PCYT1B: variants seen among roughly 807,000 people sequenced by gnomAD.
PCYT1B encodes choline-phosphate cytidylyltransferase B.
A neutral mutation model predicts 26.4 loss-of-function variants in PCYT1B; 10 were observed. The observed-to-expected ratio is 0.38, with a 90% confidence interval of 0.23 to 0.64. PCYT1B has a LOEUF of 0.64. Among genes scored for constraint, PCYT1B ranks in the 30% least tolerant of loss-of-function variants. PCYT1B has a pLI of 0.56. For synonymous variants in PCYT1B, 131 were observed against 108.4 expected (o/e 1.21, Z -1.29); for missense variants, 161 against 292.7 (o/e 0.55, Z 3.28).
chrX:24,653,357 C>T (rs746049922), intron 1 of PCYT1B, among the ~76,000 whole-genome samples: 1 of 111,266 alleles, frequency 9.0e-6, no homozygotes, highest in African/African-American at 3.3e-5. Context: ...AGGGCTTTAT[C>T]TGGCCATTGG....
At chrX:24,606,555 C>T (rs989259789) in intron 3 of PCYT1B, among the ~76,000 whole-genome samples, 4 of 108,667 alleles carry the variant, frequency 3.7e-5, no homozygotes, top group Non-Finnish European at 7.5e-5. Flanking sequence ...AGAAGAGTTC[C>T]TCTTAAATGT....
intron 3 of PCYT1B, among the ~76,000 whole-genome samples, chrX:24,601,493 G>GA (rs770641178): frequency 4.1e-3 from 226 of 55,028 alleles, no homozygotes; most frequent in Middle Eastern, 0.01. Flanking sequence ...ACTCTTTCTC[G>GA]AAAAAAAAAA....
rs1402869756 is a variant in PCYT1B at position 24,559,919 on chromosome X, G to T, written c.*2374C>A. 8.9e-6 allele frequency: 1 copy of T among 111,775 alleles called. No homozygotes were observed. The highest frequency in any genetic ancestry group is 1.9e-5 in the Non-Finnish European group (1 of 53,194). 9.2% of individuals were successfully genotyped at this position (111,775 alleles called of 1,213,427 possible). A position where few individuals can be genotyped will look rare whatever the true frequency, so the allele number is the denominator to read the frequency against. ...GGTGGAACGGGGGGACTCACTGCAG[G>T]TTAGGAGGGTGAGATTTAGAACCCA... On this transcript the variant is annotated 3_prime_UTR_variant, in exon 8 of 8. Transcript: ENST00000379144.
chrX:24,645,170 G>T (rs752251471), intron 1 of PCYT1B, among the ~76,000 whole-genome samples: 1 of 111,533 alleles, frequency 9.0e-6, no homozygotes, highest in African/African-American at 3.3e-5. Context: ...AGGTAAAAAT[G>T]GAAGGAAAAA....
At chrX:24,571,993 C>T (rs767275445) in intron 7 of PCYT1B, among the ~76,000 whole-genome samples, 12 of 110,779 alleles carry the variant, frequency 1.1e-4, no homozygotes, top group Non-Finnish European at 1.9e-4. Context: ...TTCCCTGGGG[C>T]CAGATGGGCT....
chrX:24,643,962 A>G (rs868467841), intron 1 of PCYT1B, among the ~76,000 whole-genome samples: 3 of 112,184 alleles, frequency 2.7e-5, no homozygotes, highest in South Asian at 3.7e-4. Flanking sequence ...TGACCCACAT[A>G]CAATTTGGAG....
intron 1 of PCYT1B, among the ~76,000 whole-genome samples, chrX:24,639,487 G>A (rs1178759283): frequency 9.0e-6 from 1 of 111,213 alleles, no homozygotes; most frequent in East Asian, 2.8e-4. Context: ...AGGCCACAAC[G>A]AAGCAGATCC....
At chrX:24,567,724 G>A (rs779067382) in intron 7 of PCYT1B, among the ~76,000 whole-genome samples, 1 of 111,524 alleles carries the variant, frequency 9.0e-6, no homozygotes, top group African/African-American at 3.3e-5. Context: ...GCTGAGGCGG[G>A]CGGATCATGA....
At chrX:24,593,855 A>G (rs1428153376) in intron 3 of PCYT1B, among the ~76,000 whole-genome samples, 1 of 111,449 alleles carries the variant, frequency 9.0e-6, no homozygotes, top group Non-Finnish European at 1.9e-5. Context: ...ACATACACGC[A>G]AAGGAGAGAC....
chrX:24,595,655 G>A (rs1924750115), intron 3 of PCYT1B, among the ~76,000 whole-genome samples: 1 of 110,670 alleles, frequency 9.0e-6, no homozygotes, highest in East Asian at 2.8e-4. Flanking sequence ...CGAGGTGGGT[G>A]GATCATTTGA....
At chrX:24,651,403 C>T (rs1178617155), upstream of PCYT1B, among the ~76,000 whole-genome samples, 5 of 85,301 alleles carry the variant, frequency 5.9e-5, no homozygotes, top group African/African-American at 1.8e-4. Flanking sequence ...TGCAGTGAGC[C>T]GAGATCACGC....
At chrX:24,618,028 G>A (rs1925570458) in intron 2 of PCYT1B, among the ~76,000 whole-genome samples, 1 of 111,493 alleles carries the variant, frequency 9.0e-6, no homozygotes, top group Admixed American at 9.6e-5. Context: ...CATCTGTGTT[G>A]CAGGTTTTAA....
At chrX:24,601,296 C>G (rs1924952851) in intron 3 of PCYT1B, among the ~76,000 whole-genome samples, 1 of 111,516 alleles carries the variant, frequency 9.0e-6, no homozygotes, top group Admixed American at 9.5e-5. Flanking sequence ...AGTTCAAGAA[C>G]AGCCTGGCCA....
At chrX:24,639,274 C>G (rs140665463) in intron 1 of PCYT1B, among the ~76,000 whole-genome samples, 3 of 112,403 alleles carry the variant, frequency 2.7e-5, no homozygotes, top group African/African-American at 9.7e-5. Context: ...GAATGGAATC[C>G]AGAGAGGAAA....
At chrX:24,637,511 T>A (rs1029838966) in intron 1 of PCYT1B, among the ~76,000 whole-genome samples, 9 of 82,474 alleles carry the variant, frequency 1.1e-4, no homozygotes, top group Admixed American at 1.5e-4. Context: ...TATATATATA[T>A]AAATTAGCTG....
chrX:24,670,048 AAAAGAAAGAAAGAAAGAAAG>A lies in PCYT1B; in HGVS notation c.63+2502_63+2521del, dbSNP rs756342863. 7.0e-3 allele frequency among the ~76,000 whole-genome samples: 407 copies of A among 58,073 alleles called. 8 individuals carry two copies. The East Asian group carries it at 0.071, about 10-fold the overall frequency. 50.4% of individuals were successfully genotyped at this position (58,073 alleles called of 115,157 possible). ...ACAGAGTAAGACCTTGTCTCAAAAAAAAAGAAAGAAAGAAAGAAAGAAAGAAAGAAAGAAAGAAAGAAAGA... is the reference window on the plus strand; with the variant it reads ...ACAGAGTAAGACCTTGTCTCAAAAAAAAAGAAAGAAAGAAAGAAAGAAAGA... On this transcript the variant is annotated intron_variant, in intron 1 of 7. Transcript: ENST00000379145.
intron 1 of PCYT1B, among the ~76,000 whole-genome samples, chrX:24,656,084 G>T (rs1165703487): frequency 2.2e-5 from 2 of 90,116 alleles, no homozygotes; most frequent in Non-Finnish European, 4.2e-5. Context: ...AGCCAAGATC[G>T]CGTCATTGCA....
intron 1 of PCYT1B, among the ~76,000 whole-genome samples, chrX:24,662,693 A>G (rs1398373240): frequency 9.0e-6 from 1 of 111,680 alleles, no homozygotes; most frequent in East Asian, 2.8e-4. Context: ...GGGTTGGGAT[A>G]TGGGTCTTCC....
intron 1 of PCYT1B, among the ~76,000 whole-genome samples, chrX:24,636,495 C>T (rs1459233541): frequency 8.9e-6 from 1 of 111,993 alleles, no homozygotes; most frequent in Non-Finnish European, 1.9e-5. Flanking sequence ...TGCCTGTAAT[C>T]CCAGCTACTC....
Sources: gnomAD v4.1 joint callset for allele counts (sites outside exome capture counted in the v4.1 genomes callset) on GRCh38, gnomAD v4.1.1 for gene constraint, MANE v1.5 for transcripts, NCBI Gene and HGNC (gene_info 2026-07-23, HGNC 2026-07-21) for gene names.